The following NPC1 variants were observed in gnomAD, a reference collection of about 807,000 sequenced individuals.
The protein encoded by NPC1 is Niemann-Pick C1 protein.
Under a neutral mutation model 140.4 loss-of-function variants are expected in NPC1, and 85 were observed. The observed-to-expected ratio is 0.61, with a 90% CI of 0.51 to 0.72. The LOEUF (loss-of-function observed/expected upper bound fraction) is 0.72, where lower values mean the gene tolerates loss of function less well. Among genes scored for constraint, NPC1 ranks in the 30% least tolerant of loss-of-function variants. NPC1 has a pLI of 0.00. For missense variants in NPC1, 1,504 were observed against 1,623.8 expected (o/e 0.93, Z 1.27); for synonymous variants, 656 against 624.8 (o/e 1.05, Z -0.74).
intron 10 of NPC1, among the ~76,000 whole-genome samples, chr18:23,549,028 ATCC>A (rs2058829453): frequency 6.6e-6 from 1 of 152,166 alleles, no homozygotes; most frequent in African/African-American, 2.4e-5. Flanking sequence ...GGCTCAAGCA[ATCC>A]TCCTGCTTTG....
chr18:23,516,488 G>T, intron 3 of NPC1: 1 of 1,543,024 alleles, frequency 6.5e-7, no homozygotes. Flanking sequence ...AATAGAAGGA[G>T]TGTGTTACAA....
chr18:23,539,732 G>T lies in NPC1; in HGVS notation c.2795+79C>A, dbSNP rs919025638. ...TTCCAAGAAAGTCTATTTTCAGTGA[G>T]ACATTTCAGGCCTGAGCTGACTGCC... On this transcript the variant is annotated intron_variant, in intron 18 of 24. Coordinates refer to ENST00000269228, the MANE Select transcript of NPC1 (RefSeq NM_000271.5). The T allele has an allele frequency of 6.9e-6, 10 of 1,446,886 alleles. No homozygotes were observed. The African/African-American group carries it at 1.4e-4, about 20-fold the overall frequency. 89.6% of individuals were successfully genotyped at this position (1,446,886 alleles called of 1,614,324 possible).
chr18:23,519,391 G>A (rs1036249921), downstream of NPC1, among the ~76,000 whole-genome samples: 1 of 152,064 alleles, frequency 6.6e-6, no homozygotes, highest in African/African-American at 2.4e-5. Flanking sequence ...GGTAGTGCAC[G>A]CCTATAGTCC....
intron 1 of NPC1, among the ~76,000 whole-genome samples, chr18:23,577,761 C>T (rs1393079376): frequency 6.6e-6 from 1 of 152,238 alleles, no homozygotes; most frequent in East Asian, 1.9e-4. Flanking sequence ...GCTGCAGGTC[C>T]CGAGCCCTGC....
At chr18:23,550,499 T>TTTTTTTTTTTTTTTTTTTTATG (rs1598966102) in intron 10 of NPC1, among the ~76,000 whole-genome samples, 1 of 136,880 alleles carries the variant, frequency 7.3e-6, no homozygotes, top group African/African-American at 2.9e-5. Context: ...TTTTTTTTTT[T>TTTTTTTTTTTTTTTTTTTTATG]GAGATGGAGT....
downstream of NPC1, among the ~76,000 whole-genome samples, chr18:23,527,381 G>A (rs1016639985): frequency 4.6e-5 from 7 of 151,906 alleles, no homozygotes; most frequent in Non-Finnish European, 8.8e-5. Context: ...CTGGGCGACA[G>A]AGCAAGACCC....
In NPC1 at chr18:23,560,348, G is replaced by GGTGGGGGCTGGGGC. The variant is rs2059020261; in HGVS notation, c.750_763dup (p.Pro255ArgfsTer60). Reference sequence around the variant, plus strand: ...AAGGATCGTCCAGGGAGCAGGAGGAGGTGGGGGCTGGGGCTTGGGGCCACA... The same window carrying GGTGGGGGCTGGGGC: ...AAGGATCGTCCAGGGAGCAGGAGGAGGTGGGGGCTGGGGCGTGGGGGCTGGGGCTTGGGGCCACA... On this transcript the variant is annotated frameshift_variant, in exon 6 of 25. Coordinates refer to ENST00000269228, the MANE Select transcript of NPC1 (RefSeq NM_000271.5). LOFTEE classifies it high-confidence loss of function. 1 of 1,614,252 alleles carries GGTGGGGGCTGGGGC rather than the reference G, an allele frequency of 6.2e-7. No individual in the cohort carries two copies. Among genetic ancestry groups the GGTGGGGGCTGGGGC allele is most frequent in the Non-Finnish European group, 8.5e-7 (1 of 1,180,046 alleles).
chr18:23,579,779 A>G (rs780681506), intron 1 of NPC1, among the ~76,000 whole-genome samples: 62 of 152,092 alleles, frequency 4.1e-4, no homozygotes, highest in Middle Eastern at 3.2e-3. Flanking sequence ...AGTCCCAGCT[A>G]CAGGCTGAGA....
At position 23,541,370 on chromosome 18, in the gene NPC1, A is replaced by G. The variant is rs2145382914; in HGVS notation, c.2309T>C (p.Ile770Thr). 6.2e-7 allele frequency: 1 copy of G among 1,614,254 alleles called. No homozygotes were observed. The highest frequency in any genetic ancestry group is 1.7e-5 in the Admixed American group (1 of 60,026). ...FSLFAGLAVF[I>T]DFLLQITCFV... Reference sequence around the variant, plus strand: ...ACAGGTAATCTGCAGAAGAAAGTCAATGAAGACTGCCAATCCCGCAAAGAG... The same window carrying G: ...ACAGGTAATCTGCAGAAGAAAGTCAGTGAAGACTGCCAATCCCGCAAAGAG... Residue 770 changes from isoleucine to threonine, a missense_variant, in exon 15 of 25, where the codon ATT becomes ACT. By Grantham distance (89) the Ile-to-Thr change is moderately conservative. Coordinates refer to ENST00000269228, the MANE Select transcript of NPC1 (RefSeq NM_000271.5).
intron 1 of NPC1, among the ~76,000 whole-genome samples, chr18:23,523,668 G>T (rs1471891822): frequency 6.6e-6 from 1 of 151,926 alleles, no homozygotes; most frequent in Non-Finnish European, 1.5e-5. Flanking sequence ...GGTTATAGTG[G>T]GCTATGATCA....
At chr18:23,550,213 T>C (rs942388614) in intron 10 of NPC1, among the ~76,000 whole-genome samples, 1 of 151,940 alleles carries the variant, frequency 6.6e-6, no homozygotes. Context: ...GGTTTCTCCA[T>C]GTTGCTCAGG....
chr18:23,562,286 CACAAAAAA>C (rs1360493430), intron 4 of NPC1, among the ~76,000 whole-genome samples: 3 of 130,786 alleles, frequency 2.3e-5, no homozygotes, highest in African/African-American at 1.0e-4. Flanking sequence ...AAGACTCCAT[CACAAAAAA>C]ACAAAAAAAA....
At chr18:23,543,077 C>T (rs2058733629) in intron 14 of NPC1, among the ~76,000 whole-genome samples, 1 of 152,176 alleles carries the variant, frequency 6.6e-6, no homozygotes, top group Non-Finnish European at 1.5e-5. Flanking sequence ...CCTGTAATCT[C>T]AGCACTTTGG....
chr18:23,517,862 C>T (rs527706013), downstream of NPC1, among the ~76,000 whole-genome samples: 5 of 152,092 alleles, frequency 3.3e-5, no homozygotes, highest in South Asian at 2.1e-4. Flanking sequence ...GGACTACAGG[C>T]GCATGCCACC....
At chr18:23,535,085 A>G (rs1598936135) in intron 22 of NPC1, among the ~76,000 whole-genome samples, 1 of 152,208 alleles carries the variant, frequency 6.6e-6, no homozygotes, top group South Asian at 2.1e-4. Flanking sequence ...ATCAGGCTAC[A>G]GGCTTGTGCA....
chr18:23,545,614 T>C (rs1021174799), intron 11 of NPC1, among the ~76,000 whole-genome samples: 24 of 152,228 alleles, frequency 1.6e-4, no homozygotes, highest in African/African-American at 5.8e-4. Context: ...TGTTTTGAAA[T>C]AGAGTCTCTC....
intron 10 of NPC1, among the ~76,000 whole-genome samples, chr18:23,550,210 C>G (rs2058848916): frequency 6.6e-6 from 1 of 151,752 alleles, no homozygotes; most frequent in Non-Finnish European, 1.5e-5. Flanking sequence ...CGGGGTTTCT[C>G]CATGTTGCTC....
downstream of NPC1, chr18:23,529,756 TAA>T (rs199522028): frequency 6.3e-6 from 9 of 1,423,490 alleles, no homozygotes; most frequent in African/African-American, 8.6e-5. Flanking sequence ...AGAAGGAATT[TAA>T]AAAAAAAACA....
At chr18:23,535,749 C>T (rs774879775) in intron 21 of NPC1, 49 bp from the exon 22 acceptor site, 4 of 1,225,088 alleles carry the variant, frequency 3.3e-6, no homozygotes, top group Non-Finnish European at 3.6e-6. Context: ...CACTCCCGAA[C>T]ACTGCGTGTT....
Sources: gnomAD v4.1 joint callset for allele counts (sites outside exome capture counted in the v4.1 genomes callset) on GRCh38, gnomAD v4.1.1 for gene constraint, MANE v1.5 for transcripts, NCBI Gene and HGNC (gene_info 2026-07-23, HGNC 2026-07-21) for gene names.